Variants in CNGB3 observed in about 807,000 individuals in gnomAD.
CNGB3 encodes cyclic nucleotide-gated channel beta-3.
In CNGB3, 86 loss-of-function variants were observed where a neutral mutation model predicts 92.8. The observed-to-expected ratio is 0.93, with a 90% CI of 0.78 to 1.11. CNGB3 has a LOEUF of 1.11. Among genes scored for constraint, CNGB3 ranks in the 50% least tolerant of loss-of-function variants. The pLI, the probability that CNGB3 is intolerant of heterozygous loss-of-function variation, is 0.00. For missense variants in CNGB3, 1,026 were observed against 956.8 expected (o/e 1.07, Z -0.95); for synonymous variants, 333 against 332.7 (o/e 1.00, Z -0.01).
chr8:86,684,041 C>G (rs1457992051), intron 3 of CNGB3, among the ~76,000 whole-genome samples: 2 of 151,990 alleles, frequency 1.3e-5, no homozygotes, highest in Non-Finnish European at 2.9e-5. Context: ...ATGTTAAAAG[C>G]ATGAAAAGGC....
intron 2 of CNGB3, among the ~76,000 whole-genome samples, chr8:86,734,457 G>C (rs538331209): frequency 6.6e-6 from 1 of 152,216 alleles, no homozygotes; most frequent in South Asian, 2.1e-4. Context: ...AAAGTAACAG[G>C]ATCACTAAAC....
intron 3 of CNGB3, among the ~76,000 whole-genome samples, chr8:86,692,593 C>G (rs1216189377): frequency 6.6e-6 from 1 of 152,120 alleles, no homozygotes; most frequent in Admixed American, 6.5e-5. Flanking sequence ...TTTTTTCACC[C>G]CTTTACCTTA....
At chr8:86,639,486 A>G (rs952870407) in intron 10 of CNGB3, among the ~76,000 whole-genome samples, 1 of 152,096 alleles carries the variant, frequency 6.6e-6, no homozygotes, top group African/African-American at 2.4e-5. Flanking sequence ...CTTATTTTAA[A>G]TGTTCACAGT....
chr8:86,715,225 G>A (rs538644567), intron 3 of CNGB3, among the ~76,000 whole-genome samples: 4 of 152,086 alleles, frequency 2.6e-5, no homozygotes, highest in Admixed American at 6.5e-5. Context: ...CCTCCTGACT[G>A]GAAGCCAACC....
At chr8:86,681,069 A>G (rs946093149) in intron 3 of CNGB3, among the ~76,000 whole-genome samples, 1 of 152,152 alleles carries the variant, frequency 6.6e-6, no homozygotes, top group Non-Finnish European at 1.5e-5. Context: ...CACAAACACC[A>G]AATTACCAAG....
At chr8:86,594,114 G>A in intron 15 of CNGB3, 1 of 301,906 alleles carries the variant, frequency 3.3e-6, no homozygotes, top group South Asian at 3.1e-5. Flanking sequence ...CCTGAAAAGT[G>A]GACTTACAAA....
chr8:86,585,298 T>C (rs1307214727), intron 15 of CNGB3, among the ~76,000 whole-genome samples: 2 of 152,056 alleles, frequency 1.3e-5, no homozygotes, highest in Non-Finnish European at 1.5e-5. Context: ...TATATACATA[T>C]ACATTTGTGT....
At chr8:86,656,834 C>T (rs1414619179) in intron 6 of CNGB3, among the ~76,000 whole-genome samples, 7 of 152,128 alleles carry the variant, frequency 4.6e-5, no homozygotes, top group Non-Finnish European at 7.3e-5. Flanking sequence ...TTCTCTGTCC[C>T]GTACTATCAA....
chr8:86,653,579 G>A (rs1032820737), intron 7 of CNGB3, among the ~76,000 whole-genome samples: 11 of 152,152 alleles, frequency 7.2e-5, no homozygotes, highest in Middle Eastern at 3.4e-3. Context: ...GGAAAGGAAC[G>A]TTCCATGTTA....
At chr8:86,671,162 T>G (rs1276462102) in intron 3 of CNGB3, 64 bp from the exon 4 acceptor site, 4 of 1,565,438 alleles carry the variant, frequency 2.6e-6, no homozygotes, top group Non-Finnish European at 3.5e-6. Context: ...AGGGAAAGAT[T>G]AAATCTTTTC....
chr8:86,695,686 G>A (rs1393732903), intron 3 of CNGB3, among the ~76,000 whole-genome samples: 2 of 152,024 alleles, frequency 1.3e-5, no homozygotes, highest in African/African-American at 4.8e-5. Flanking sequence ...ATCTTGGTTT[G>A]GATCCATTGC....
chr8:86,697,374 C>G (rs1824468748), intron 3 of CNGB3, among the ~76,000 whole-genome samples: 1 of 152,112 alleles, frequency 6.6e-6, no homozygotes, highest in African/African-American at 2.4e-5. Flanking sequence ...CTTCACAATA[C>G]AAAATATAGA....
chr8:86,681,203 T>A (rs1824077580), intron 3 of CNGB3, among the ~76,000 whole-genome samples: 1 of 151,998 alleles, frequency 6.6e-6, no homozygotes. Flanking sequence ...TTCATAAAGG[T>A]AGGAAAGTAT....
intron 10 of CNGB3, among the ~76,000 whole-genome samples, chr8:86,643,057 G>T (rs1370374696): frequency 2.7e-5 from 4 of 150,916 alleles, no homozygotes; most frequent in African/African-American, 9.7e-5. Context: ...TTTTGATCAT[G>T]ATCCAGAGTA....
At chr8:86,636,505 G>A (rs369872177) in intron 10 of CNGB3, among the ~76,000 whole-genome samples, 39 of 147,040 alleles carry the variant, frequency 2.7e-4, no homozygotes, top group African/African-American at 3.5e-4. Flanking sequence ...CCCGGGAGGC[G>A]GAGGTTACAG....
chr8:86,650,262 A>G (rs1462234590), intron 7 of CNGB3, among the ~76,000 whole-genome samples: 4 of 151,456 alleles, frequency 2.6e-5, no homozygotes, highest in Non-Finnish European at 4.4e-5. Flanking sequence ...TTTCTATTCA[A>G]TTGCTCAACT....
rs149606534 is a variant in CNGB3 at position 86,592,709 on chromosome 8, A to G, written c.1781+11384T>C. ...CTCATGTAGAATTATTTCCATATAT[A>G]TATATAACTCTACATGCTATCAATG... On this transcript the variant is annotated intron_variant, in intron 15 of 17. Transcript: ENST00000320005. Among the ~76,000 whole-genome samples, 260 of 152,330 alleles carry G rather than the reference A, an allele frequency of 1.7e-3. 2 individuals are homozygous for G. Among genetic ancestry groups the G allele is most frequent in the African/African-American group, 6.1e-3 (255 of 41,574 alleles).
intron 6 of CNGB3, chr8:86,657,418 A>G (rs1563743218): frequency 2.0e-6 from 1 of 497,088 alleles, no homozygotes; most frequent in Non-Finnish European, 4.1e-6. Flanking sequence ...TCTTGTCAGC[A>G]TGATAGAAAA....
At chr8:86,657,236 G>A (rs1252614837) in intron 6 of CNGB3, among the ~76,000 whole-genome samples, 1 of 152,162 alleles carries the variant, frequency 6.6e-6, no homozygotes, top group African/African-American at 2.4e-5. Context: ...CAAAGGGTCT[G>A]CACTTGTTTG....
Sources: gnomAD v4.1 joint callset for allele counts (sites outside exome capture counted in the v4.1 genomes callset) on GRCh38, gnomAD v4.1.1 for gene constraint, MANE v1.5 for transcripts, NCBI Gene and HGNC (gene_info 2026-07-23, HGNC 2026-07-21) for gene names.